KIF6: variants seen among roughly 807,000 people sequenced by gnomAD.
The protein encoded by KIF6 is kinesin-like protein KIF6.
KIF6 carries 106 observed loss-of-function variants against 112.7 expected under a neutral mutation model. The observed-to-expected ratio is 0.94, with a 90% confidence interval of 0.80 to 1.11. KIF6 has a LOEUF of 1.11. Ranked by LOEUF, KIF6 falls within the 50% of genes least tolerant of loss-of-function variation. KIF6 has a pLI of 0.00. For missense variants in KIF6, 929 were observed against 964.0 expected, an observed-to-expected ratio of 0.96 and a Z score of 0.48; for synonymous variants, 339 against 339.9, an observed-to-expected ratio of 1.00 and a Z score of 0.03.
Position 39,460,304 on chromosome 6 carries a change from C to G in KIF6, c.1646-29143G>C, listed in dbSNP as rs1185364815. Among the ~76,000 whole-genome samples, 3 of 114,506 alleles carry G rather than the reference C, an allele frequency of 2.6e-5. No individual in the cohort carries two copies. In the Admixed American group the frequency reaches 3.0e-4, roughly 11 times the overall value. The allele number at this position is 114,506 out of a possible 152,430, so 75.1% of individuals were successfully genotyped here. On this transcript the variant is annotated intron_variant, in intron 13 of 22. Coordinates refer to ENST00000287152, the MANE Select transcript of KIF6 (RefSeq NM_145027.6). ...AAACCAAACACCGCATATTCTCACT[C>G]ATAGGTGGGAATTGAACAATGAGAT... is the stretch of plus-strand genomic sequence containing the variant.
intron 6 of KIF6, among the ~76,000 whole-genome samples, chr6:39,611,922 C>T (rs1783236252): frequency 6.6e-6 from 1 of 151,872 alleles, no homozygotes; most frequent in African/African-American, 2.4e-5. Context: ...TAAAGCAAAA[C>T]AAAATATTCT....
chr6:39,504,198 C>G (rs2150498222), intron 13 of KIF6, among the ~76,000 whole-genome samples: 1 of 152,284 alleles, frequency 6.6e-6, no homozygotes, highest in Non-Finnish European at 1.5e-5. Context: ...AAGGCTGATT[C>G]AACAAACACA....
At chr6:39,589,143 C>A (rs1781797547) in intron 7 of KIF6, among the ~76,000 whole-genome samples, 1 of 152,182 alleles carries the variant, frequency 6.6e-6, no homozygotes, top group African/African-American at 2.4e-5. Context: ...ACATCAGAGC[C>A]TCTGAAATTG....
At position 39,343,438 on chromosome 6, in the gene KIF6, T is replaced by G. The variant is rs1396938836; in HGVS notation, c.2428+271A>C. The G allele has an allele frequency of 8.5e-6, 12 of 1,419,360 alleles. No individual in the cohort carries two copies. Among genetic ancestry groups the G allele is most frequent in the Non-Finnish European group, 1.1e-5 (12 of 1,072,896 alleles). 87.9% of individuals were successfully genotyped at this position (1,419,360 alleles called of 1,614,324 possible). On this transcript the variant is annotated intron_variant, in intron 22 of 22. Coordinates refer to ENST00000287152, the MANE Select transcript of KIF6 (RefSeq NM_145027.6). This position sits in a 1 kb window ranked among gnomAD's most constrained non-coding sequence, Gnocchi z 4.1. ...ACAGAGAACAAAGGAGCTGAAGATC[T>G]GGAAGAGACAGAGAGCAAGCTCTGC...
At chr6:39,543,939 A>T (rs1298716073) in intron 12 of KIF6, among the ~76,000 whole-genome samples, 1 of 144,698 alleles carries the variant, frequency 6.9e-6, no homozygotes, top group Non-Finnish European at 1.5e-5. Context: ...CAGTTTAGCT[A>T]AAAAAAAGAA....
At chr6:39,396,678 G>T (rs1366208753) in intron 15 of KIF6, among the ~76,000 whole-genome samples, 1 of 152,134 alleles carries the variant, frequency 6.6e-6, no homozygotes, top group East Asian at 1.9e-4. Context: ...TTAAAATAGG[G>T]TGATAACACC....
chr6:39,725,372 C>A lies in KIF6; in HGVS notation c.-62G>T. 2.2e-6 allele frequency: 3 copies of A among 1,374,290 alleles called. No homozygotes were observed. The South Asian group carries it at 3.6e-5, about 16-fold the overall frequency. 85.1% of individuals were successfully genotyped at this position (1,374,290 alleles called of 1,614,324 possible). A position where few individuals can be genotyped will look rare whatever the true frequency, so the allele number is the denominator to read the frequency against. On this transcript the variant is annotated 5_prime_UTR_variant, in exon 1 of 23. Coordinates refer to ENST00000287152, the MANE Select transcript of KIF6 (RefSeq NM_145027.6). The stretch of plus-strand genomic sequence containing the variant: ...CAGGCCCGGGCTGCCAAAACTAACT[C>A]CCACCACCTCCGGCGACCCACAGTC...
At position 39,600,265 on chromosome 6, in the gene KIF6, C is replaced by T. The variant is rs561048927; in HGVS notation, c.640-4005G>A. Among the ~76,000 whole-genome samples, 15 of 152,248 alleles carry T rather than the reference C, an allele frequency of 9.9e-5. No homozygotes were observed. In the East Asian group the frequency reaches 1.2e-3, roughly 12 times the overall value. On this transcript the variant is annotated intron_variant, in intron 6 of 22. Coordinates refer to ENST00000287152, the MANE Select transcript of KIF6 (RefSeq NM_145027.6). ...TAAACAAATGTGCTTTTGGCACTAG[C>T]GACTGTGCCTTTGGAAAAATTTTAG...
At chr6:39,667,357 C>A (rs891125908) in intron 3 of KIF6, among the ~76,000 whole-genome samples, 1 of 152,124 alleles carries the variant, frequency 6.6e-6, no homozygotes, top group Non-Finnish European at 1.5e-5. Flanking sequence ...TTTAAGGCAA[C>A]AGAAGAAAAG....
At chr6:39,464,501 A>T (rs1773673695) in intron 13 of KIF6, among the ~76,000 whole-genome samples, 1 of 152,172 alleles carries the variant, frequency 6.6e-6, no homozygotes, top group African/African-American at 2.4e-5. Flanking sequence ...TTTTGGATCT[A>T]ATGTTCTTGA....
chr6:39,398,160 A>G (rs1481893763), intron 15 of KIF6, among the ~76,000 whole-genome samples: 1 of 152,190 alleles, frequency 6.6e-6, no homozygotes, highest in Admixed American at 6.5e-5. Context: ...AGGGACTTTT[A>G]TAGGTTTACT....
intron 21 of KIF6, among the ~76,000 whole-genome samples, chr6:39,345,153 T>C (rs1475021858): frequency 6.6e-6 from 1 of 152,254 alleles, no homozygotes; most frequent in African/African-American, 2.4e-5. Context: ...AAGGACGGTA[T>C]GTAACAAGGG....
rs1413984420 is a variant in KIF6 at position 39,550,696 on chromosome 6, G to A, written c.1182-5008C>T. The stretch of plus-strand genomic sequence containing the variant: ...TTTGACAGCTCATTCCAGAGAGCTA[G>A]AAAGGAGTTCTGATTTATAAAACTA... On this transcript the variant is annotated intron_variant, in intron 10 of 22. Coordinates refer to ENST00000287152, the MANE Select transcript of KIF6 (RefSeq NM_145027.6). Among the ~76,000 whole-genome samples, 1,020 of 152,300 alleles carry A rather than the reference G, an allele frequency of 6.7e-3. 11 individuals carry two copies. Among genetic ancestry groups the A allele is most frequent in the African/African-American group, 0.023 (976 of 41,554 alleles).
chr6:39,385,502 G>T, intron 16 of KIF6, 120 bp downstream of exon 16: 2 of 799,436 alleles, frequency 2.5e-6, no homozygotes, highest in Non-Finnish European at 2.2e-6. Context: ...AGCAACCCTT[G>T]CCATCCTTAA....
chr6:39,462,729 T>C (rs1773554080), intron 13 of KIF6, among the ~76,000 whole-genome samples: 1 of 152,148 alleles, frequency 6.6e-6, no homozygotes, highest in Non-Finnish European at 1.5e-5. Flanking sequence ...CTCAGAGACC[T>C]TATCATATTT....
At chr6:39,454,672 G>C (rs1055587385) in intron 13 of KIF6, among the ~76,000 whole-genome samples, 5 of 152,186 alleles carry the variant, frequency 3.3e-5, no homozygotes, top group Admixed American at 3.3e-4. Context: ...CACACCGTGC[G>C]CGAGCCGAAG....
intron 6 of KIF6, among the ~76,000 whole-genome samples, chr6:39,601,711 G>GACAC (rs10532285): frequency 2.0e-4 from 30 of 147,500 alleles, no homozygotes; most frequent in Non-Finnish European, 2.6e-4. Context: ...ATTTCTTTGG[G>GACAC]ACACACACAC....
intron 3 of KIF6, among the ~76,000 whole-genome samples, chr6:39,702,524 T>A (rs966370664): frequency 1.3e-5 from 2 of 152,206 alleles, no homozygotes; most frequent in Admixed American, 6.5e-5. Context: ...GCCCAATATG[T>A]CTCTCACACA....
rs1316705219 is a variant in KIF6, at chr6:39,455,266, A to C, written c.1646-24105T>G. Among the ~76,000 whole-genome samples the C allele has an allele frequency of 3.1e-3, 477 of 151,738 alleles. 1 individual carries two copies. Among genetic ancestry groups the C allele is most frequent in the African/African-American group, 0.011 (441 of 41,342 alleles). On this transcript the variant is annotated intron_variant, in intron 13 of 22. Coordinates refer to ENST00000287152, the MANE Select transcript of KIF6 (RefSeq NM_145027.6). ...CACCCCCCAGCAGGGGCACACTGAC[A>C]CCTCACACTGCAGGGTATTCCAACA...
Sources: gnomAD v4.1 joint callset for allele counts (sites outside exome capture counted in the v4.1 genomes callset) on GRCh38, gnomAD v4.1.1 for gene constraint, Gnocchi (gnomAD v3.1) non-coding constraint, MANE v1.5 for transcripts, NCBI Gene and HGNC (gene_info 2026-07-23, HGNC 2026-07-21) for gene names.